The following ASIC2 variants were observed in gnomAD, a reference collection of about 807,000 sequenced individuals.
ASIC2 encodes the protein acid-sensing ion channel 2.
A neutral mutation model predicts 57.3 loss-of-function variants in ASIC2; 25 were observed. That is an observed-to-expected ratio of 0.44 (90% CI 0.32 to 0.61). The LOEUF is 0.61. Ranked by LOEUF, ASIC2 falls within the 20% of genes least tolerant of loss-of-function variation. The pLI, the probability that ASIC2 is intolerant of heterozygous loss-of-function variation, is 0.06. For synonymous variants in ASIC2, 319 were observed against 307.5 expected, an observed-to-expected ratio of 1.04 and a Z score of -0.39; for missense variants, 641 against 738.1, an observed-to-expected ratio of 0.87 and a Z score of 1.52.
intron 1 of ASIC2, among the ~76,000 whole-genome samples, chr17:33,838,179 C>A (rs192353685): frequency 4.6e-5 from 7 of 152,280 alleles, no homozygotes; most frequent in African/African-American, 1.7e-4. Context: ...TTTATCTCTG[C>A]ATCTTCACAG....
At chr17:33,633,817 T>C (rs914724986) in intron 1 of ASIC2, among the ~76,000 whole-genome samples, 19 of 152,186 alleles carry the variant, frequency 1.2e-4, no homozygotes, top group African/African-American at 4.6e-4. Flanking sequence ...ACAATCGGGC[T>C]TTTACGAAAG....
chr17:33,756,697 AACC>A (rs1910614349), intron 1 of ASIC2, among the ~76,000 whole-genome samples: 3 of 71,036 alleles, frequency 4.2e-5, no homozygotes, highest in Admixed American at 1.4e-4. Context: ...ACACTTAGAG[AACC>A]TCTTTAAGAA....
intron 1 of ASIC2, among the ~76,000 whole-genome samples, chr17:33,997,302 G>A (rs1323771827): frequency 3.0e-5 from 4 of 132,496 alleles, no homozygotes; most frequent in African/African-American, 5.8e-5. Context: ...CACCATGCAC[G>A]GTTAATTTTT....
chr17:33,544,799 G>A (rs539506499), intron 1 of ASIC2, among the ~76,000 whole-genome samples: 2 of 151,942 alleles, frequency 1.3e-5, no homozygotes, highest in South Asian at 2.1e-4. Flanking sequence ...AAAAAATATA[G>A]GTCGGGTATT....
intron 1 of ASIC2, among the ~76,000 whole-genome samples, chr17:33,807,337 A>G (rs1912296514): frequency 1.3e-5 from 2 of 152,214 alleles, no homozygotes; most frequent in Non-Finnish European, 2.9e-5. Context: ...TCTCTCATTA[A>G]TAATTCACTC....
At chr17:33,159,835 T>C (rs1905111147) in intron 1 of ASIC2, among the ~76,000 whole-genome samples, 1 of 152,202 alleles carries the variant, frequency 6.6e-6, no homozygotes, top group African/African-American at 2.4e-5. Context: ...ATGAGGATAA[T>C]GATAGCACCG....
At chr17:33,021,888 C>A (rs767478527) in intron 6 of ASIC2, among the ~76,000 whole-genome samples, 35 of 152,192 alleles carry the variant, frequency 2.3e-4, no homozygotes, top group Non-Finnish European at 4.6e-4. Context: ...TTGCTTTGCT[C>A]CTTTGGGCAG....
chr17:33,050,068 T>A (rs2091969423), intron 3 of ASIC2, among the ~76,000 whole-genome samples: 1 of 152,194 alleles, frequency 6.6e-6, no homozygotes, highest in Non-Finnish European at 1.5e-5. Flanking sequence ...CGGGTAAGCC[T>A]GCTCAGCCTG....
chr17:33,046,542 G>C (rs2091955693), intron 3 of ASIC2, among the ~76,000 whole-genome samples: 1 of 152,004 alleles, frequency 6.6e-6, no homozygotes, highest in Non-Finnish European at 1.5e-5. Flanking sequence ...GTGGGGAGCT[G>C]AATACAGGGG....
chr17:33,477,073 C>T (rs1015036907), intron 1 of ASIC2, among the ~76,000 whole-genome samples: 15 of 152,226 alleles, frequency 9.9e-5, no homozygotes, highest in Admixed American at 3.3e-4. Flanking sequence ...GGCTCTATTT[C>T]ATTAATTTTG....
At chr17:33,675,268 C>T (rs1322458850) in intron 1 of ASIC2, among the ~76,000 whole-genome samples, 1 of 152,194 alleles carries the variant, frequency 6.6e-6, no homozygotes, top group Non-Finnish European at 1.5e-5. Flanking sequence ...CATTGCTCCT[C>T]CAGCTGGATT....
At chr17:33,585,125 G>T (rs962633060) in intron 1 of ASIC2, among the ~76,000 whole-genome samples, 1 of 152,138 alleles carries the variant, frequency 6.6e-6, no homozygotes, top group African/African-American at 2.4e-5. Flanking sequence ...ATTTAGTTGG[G>T]GTGGAAGGAG....
intron 1 of ASIC2, among the ~76,000 whole-genome samples, chr17:33,985,847 C>G (rs1033817189): frequency 6.6e-6 from 1 of 152,226 alleles, no homozygotes; most frequent in African/African-American, 2.4e-5. Flanking sequence ...CTCCCTATGT[C>G]CAGGTCCACA....
At chr17:33,336,593 G>A (rs1907522258) in intron 1 of ASIC2, among the ~76,000 whole-genome samples, 1 of 152,130 alleles carries the variant, frequency 6.6e-6, no homozygotes, top group African/African-American at 2.4e-5. Context: ...CAGCTGTGTG[G>A]GGAGGGTATC....
chr17:34,016,587 A>T (rs1255857021), intron 1 of ASIC2, among the ~76,000 whole-genome samples: 1 of 152,210 alleles, frequency 6.6e-6, no homozygotes, highest in African/African-American at 2.4e-5. Flanking sequence ...TATATTTAAT[A>T]CAGTTGCTAT....
intron 1 of ASIC2, among the ~76,000 whole-genome samples, chr17:33,118,158 A>G (rs114127292): frequency 0.017 from 2,596 of 152,320 alleles, 75 homozygotes; most frequent in African/African-American, 0.06. Flanking sequence ...GATACCACCA[A>G]TCTGAAGTTG....
intron 1 of ASIC2, among the ~76,000 whole-genome samples, chr17:33,736,779 A>G (rs748472077): frequency 5.3e-5 from 8 of 150,272 alleles, no homozygotes; most frequent in Non-Finnish European, 1.0e-4. Flanking sequence ...ATATATGGAA[A>G]CATGTACAAC....
chr17:33,883,093 G>T (rs1443651603), intron 1 of ASIC2, among the ~76,000 whole-genome samples: 1 of 151,388 alleles, frequency 6.6e-6, no homozygotes, highest in African/African-American at 2.4e-5. Context: ...GGAACATGTT[G>T]TGGGGTGGGA....
At chr17:33,798,961 G>A (rs775827016) in intron 1 of ASIC2, among the ~76,000 whole-genome samples, 79 of 152,114 alleles carry the variant, frequency 5.2e-4, no homozygotes, top group Non-Finnish European at 1.0e-3. Flanking sequence ...CTGGGACTGC[G>A]AAGTCTGTGT....
Sources: allele counts gnomAD v4.1 joint callset (sites outside exome capture counted in the v4.1 genomes callset), GRCh38; gene constraint gnomAD v4.1.1; transcripts MANE v1.5; gene names NCBI Gene and HGNC (gene_info 2026-07-23, HGNC 2026-07-21).